Variants in LIFR observed in about 807,000 individuals in gnomAD.
LIFR encodes the protein LIF receptor subunit alpha, also known as leukemia inhibitory factor receptor.
Under a neutral mutation model 122.2 loss-of-function variants are expected in LIFR, and 84 were observed. That is an observed-to-expected ratio of 0.69 (90% CI 0.58 to 0.82). The LOEUF is 0.82. LIFR is among the 40% of genes least tolerant of loss of function. The pLI is 0.00. For synonymous variants in LIFR, 422 were observed against 434.7 expected (o/e 0.97, Z 0.36); for missense variants, 1,294 against 1,311.6 (o/e 0.99, Z 0.21).
upstream of LIFR, chr5:38,556,737 G>GCCCCGC (rs1350771259): frequency 1.2e-4 from 17 of 140,910 alleles, no homozygotes; most frequent in Non-Finnish European, 2.2e-4. Context: ...CCCGGCCCCG[G>GCCCCGC]CCCCGCCCCA....
chr5:38,505,787 ATAT>A lies in LIFR; in HGVS notation c.1291+115_1291+117del. The A allele has an allele frequency of 9.4e-6, 4 of 425,548 alleles. No homozygotes were observed. In the South Asian group the frequency reaches 3.2e-4, roughly 34 times the overall value. The allele number at this position is 425,548 out of a possible 1,614,324, so 26.4% of individuals were successfully genotyped here. Reference sequence around the variant, plus strand: ...TTTATAAATAAAATTTATGAAATTAATATTAAGTAACTATAAAGAAAATAATCA... The same window carrying A: ...TTTATAAATAAAATTTATGAAATTAATAAGTAACTATAAAGAAAATAATCA... On this transcript the variant is annotated intron_variant, in intron 9 of 19. Coordinates refer to ENST00000453190, the MANE Select transcript of LIFR (RefSeq NM_001127671.2).
chr5:38,555,657 C>A (rs1010022871), intron 1 of LIFR, among the ~76,000 whole-genome samples: 15 of 149,714 alleles, frequency 1.0e-4, no homozygotes, highest in African/African-American at 2.9e-4. Context: ...CAAAAAGGAA[C>A]ACAAAGATAC....
In LIFR at chr5:38,530,541, A is replaced by G; in HGVS notation, c.107T>C (p.Leu36Pro). 1 of 1,612,938 alleles carries G rather than the reference A, an allele frequency of 6.2e-7. No individual in the cohort carries two copies. Among genetic ancestry groups the G allele is most frequent in the Non-Finnish European group, 8.5e-7 (1 of 1,178,918 alleles). Residue 36 changes from leucine to proline, a missense_variant, in exon 2 of 20, where the codon CTA becomes CCA. Leu to Pro is a moderately conservative substitution (Grantham distance 98, BLOSUM62 -3). Transcript: ENST00000453190. ...FQWLLSTFIL[L>P]YLMNQVNSQK... is the part of the protein sequence containing the mutation. ...GCTATTTACTTGATTCATTAGATAT[A>G]GAAGAATAAATGTTGATAACAGCCA...
chr5:38,511,508 T>C (rs1745802182), intron 6 of LIFR, among the ~76,000 whole-genome samples: 3 of 151,628 alleles, frequency 2.0e-5, no homozygotes, highest in Admixed American at 2.0e-4. Context: ...CATCTCAGTA[T>C]CATCTACACA....
At chr5:38,482,866 A>C (rs991333709) in intron 18 of LIFR, among the ~76,000 whole-genome samples, 199 bp from the exon 19 acceptor site, 47 of 152,292 alleles carry the variant, frequency 3.1e-4, no homozygotes, top group African/African-American at 1.0e-3. Context: ...GAAAACCATA[A>C]ACAGAATTCC....
chr5:38,557,957 T>C (rs1748672729), upstream of LIFR: 2 of 152,332 alleles, frequency 1.3e-5, no homozygotes, highest in South Asian at 4.1e-4. Context: ...TTACCCTTAT[T>C]CTTGAGTCCT....
intron 1 of LIFR, among the ~76,000 whole-genome samples, chr5:38,580,969 A>G (rs897592336): frequency 2.0e-5 from 3 of 152,120 alleles, no homozygotes; most frequent in Non-Finnish European, 4.4e-5. Flanking sequence ...ATGGAACTCT[A>G]ATGCTACAAT....
intron 1 of LIFR, among the ~76,000 whole-genome samples, chr5:38,568,643 C>T (rs1401282783): frequency 6.6e-6 from 1 of 152,130 alleles, no homozygotes; most frequent in Non-Finnish European, 1.5e-5. Flanking sequence ...GCTAAGACCA[C>T]CCTCCTAGCT....
Position 38,480,143 on chromosome 5 carries a change from CAAAA to C in LIFR, c.*1448_*1451del. On this transcript the variant is annotated 3_prime_UTR_variant, in exon 20 of 20. Coordinates refer to ENST00000453190, the MANE Select transcript of LIFR (RefSeq NM_001127671.2). The stretch of plus-strand genomic sequence containing the variant: ...CAAACAAACAACCAAAAAAAACAAA[CAAAA>C]AAGACATATCTTATTCGGACACTTA... 2 of 228,388 alleles carry C rather than the reference CAAAA, an allele frequency of 8.8e-6. No homozygotes were observed. The highest frequency in any genetic ancestry group is 1.1e-4 in the Admixed American group (2 of 17,628). 14.1% of individuals were successfully genotyped at this position (228,388 alleles called of 1,614,324 possible).
chr5:38,531,460 T>C (rs927542114), intron 1 of LIFR, among the ~76,000 whole-genome samples: 3 of 151,350 alleles, frequency 2.0e-5, no homozygotes, highest in African/African-American at 7.3e-5. Flanking sequence ...AAAATGGGGA[T>C]GATATAGGAA....
rs75460973 is a variant in LIFR, at chr5:38,592,058, G to A, written c.-20+3203C>T. 8.1e-3 allele frequency among the ~76,000 whole-genome samples: 1,239 copies of A among 152,192 alleles called. 105 individuals are homozygous for A. In the East Asian group the frequency reaches 0.19, roughly 24 times the overall value. On this transcript the variant is annotated intron_variant, in intron 1 of 19. Transcript: ENST00000263409. ...TAGTTCCTTAACTCCACTCCATGCT[G>A]ACTCTTGGACTTAAACTCTTAATTT...
intron 18 of LIFR, among the ~76,000 whole-genome samples, chr5:38,482,883 G>A (rs1744070893): frequency 6.6e-6 from 1 of 152,128 alleles, no homozygotes; most frequent in South Asian, 2.1e-4. Flanking sequence ...TTCCATTTCT[G>A]GAACTATAAT....
chr5:38,540,605 C>T (rs1429763787), intron 1 of LIFR, among the ~76,000 whole-genome samples: 1 of 152,162 alleles, frequency 6.6e-6, no homozygotes, highest in Admixed American at 6.5e-5. Flanking sequence ...GCGGGCAGCC[C>T]CTCGCCAGCT....
intron 17 of LIFR, 82 bp from the exon 18 acceptor site, chr5:38,484,950 G>T: frequency 8.3e-6 from 8 of 960,908 alleles, no homozygotes; most frequent in Non-Finnish European, 1.3e-5. Flanking sequence ...AGGTATTTAG[G>T]TTGGTAAATT....
rs2112377846 is a variant in LIFR, at chr5:38,485,970, G to A, written c.2346C>T (p.Asp782=). The A allele has an allele frequency of 6.2e-7, 1 of 1,612,344 alleles. No individual in the cohort carries two copies. Among genetic ancestry groups the A allele is most frequent in the Non-Finnish European group, 8.5e-7 (1 of 1,178,396 alleles). The change falls in exon 17 of 20, where the codon GAC becomes GAT. Residue 782 remains aspartate (D), a synonymous_variant. Coordinates refer to ENST00000453190, the MANE Select transcript of LIFR (RefSeq NM_001127671.2). Reference sequence around the variant, plus strand: ...TGTCAGTAATATTCTTAACTTTTATGTCAGAACGACCTATTTTTAAAATGA... The same window carrying A: ...TGTCAGTAATATTCTTAACTTTTATATCAGAACGACCTATTTTTAAAATGA... The part of the protein sequence containing the change: ...KMRVLESGRS[D]IKVKNITDIS...
intron 1 of LIFR, among the ~76,000 whole-genome samples, chr5:38,593,654 T>A (rs1034563746): frequency 8.5e-5 from 13 of 152,152 alleles, no homozygotes; most frequent in Non-Finnish European, 1.9e-4. Context: ...TCCCCCAAAT[T>A]CATATGTTAA....
chr5:38,477,555 GAAGA>G lies in LIFR; in HGVS notation c.*4036_*4039del. ...CCCCAGTTGCACACCCATCAAAGAA[GAAGA>G]AATTATGAACACTTAAAATTATGGA... On this transcript the variant is annotated 3_prime_UTR_variant, in exon 20 of 20. Transcript: ENST00000453190. The G allele has an allele frequency of 4.6e-6, 1 of 215,646 alleles. No homozygotes were observed. Among genetic ancestry groups the G allele is most frequent in the Non-Finnish European group, 9.3e-6 (1 of 107,006 alleles). 13.4% of individuals were successfully genotyped at this position (215,646 alleles called of 1,614,324 possible). A position where few individuals can be genotyped will look rare whatever the true frequency, so the allele number is the denominator to read the frequency against.
At chr5:38,504,415 C>CAAAAAAAAAAAAAAAAAAAAAA (rs71604899) in intron 9 of LIFR, among the ~76,000 whole-genome samples, 10 of 120,368 alleles carry the variant, frequency 8.3e-5, no homozygotes, top group Non-Finnish European at 1.0e-4. Flanking sequence ...AGGGAATGAC[C>CAAAAAAAAAAAAAAAAAAAAAA]AAAAAAAAAA....
chr5:38,540,286 T>C (rs946362647), intron 1 of LIFR, among the ~76,000 whole-genome samples: 5 of 152,220 alleles, frequency 3.3e-5, no homozygotes, highest in Non-Finnish European at 7.3e-5. Context: ...GTTTGTCACC[T>C]GCAGGAACAA....
Sources: allele counts gnomAD v4.1 joint callset (sites outside exome capture counted in the v4.1 genomes callset), GRCh38; gene constraint gnomAD v4.1.1; transcripts MANE v1.5; gene names NCBI Gene and HGNC (gene_info 2026-07-23, HGNC 2026-07-21).